The following STX18 variants were observed in gnomAD, a reference collection of about 807,000 sequenced individuals.
The protein encoded by STX18 is syntaxin 18.
Under a neutral mutation model 50.1 loss-of-function variants are expected in STX18, and 40 were observed. The ratio of observed to expected loss-of-function variants is 0.80; its 90% CI spans 0.62 to 1.04. STX18 has a LOEUF of 1.04. STX18 is among the 50% of genes least tolerant of loss of function. The pLI, the probability that STX18 is intolerant of heterozygous loss-of-function variation, is 0.00. For synonymous variants in STX18, 158 were observed against 151.8 expected, an observed-to-expected ratio of 1.04 and a Z score of -0.30; for missense variants, 410 against 415.8, an observed-to-expected ratio of 0.99 and a Z score of 0.12.
Position 4,420,622 on chromosome 4 carries a change from C to A in STX18, c.912+242G>T. On this transcript the variant is annotated intron_variant, in intron 10 of 10. Coordinates refer to ENST00000306200, the MANE Select transcript of STX18 (RefSeq NM_016930.4). This position sits in a 1 kb window ranked among gnomAD's most constrained non-coding sequence, Gnocchi z 4.3. Reference sequence around the variant, plus strand: ...GGCCTGACCCTGCCAGGAGTACCCCCACCCACCCTGGATTGCTCCTTTGGA... The same window carrying A: ...GGCCTGACCCTGCCAGGAGTACCCCAACCCACCCTGGATTGCTCCTTTGGA... 2 of 528,546 alleles carry A rather than the reference C, an allele frequency of 3.8e-6. No homozygotes were observed. The highest frequency in any genetic ancestry group is 5.1e-5 in the South Asian group (2 of 39,302). The allele number at this position is 528,546 out of a possible 1,614,324, so 32.7% of individuals were successfully genotyped here.
intron 9 of STX18, among the ~76,000 whole-genome samples, chr4:4,423,279 C>A (rs190676671): frequency 6.6e-6 from 1 of 152,364 alleles, no homozygotes; most frequent in African/African-American, 2.4e-5. Flanking sequence ...CATGTGCTAC[C>A]ACATGGGGTG....
chr4:4,495,224 C>A (rs1331284364), intron 1 of STX18, among the ~76,000 whole-genome samples: 1 of 152,140 alleles, frequency 6.6e-6, no homozygotes, highest in Non-Finnish European at 1.5e-5. Flanking sequence ...TGCAAAGGGC[C>A]TAGAAAAGTG....
At chr4:4,446,561 A>C (rs938692091) in intron 5 of STX18, among the ~76,000 whole-genome samples, 71 of 152,380 alleles carry the variant, frequency 4.7e-4, no homozygotes, top group African/African-American at 1.7e-3. Flanking sequence ...AAAGGTGATT[A>C]ACAATATTAG....
chr4:4,537,210 C>T (rs1042392153), intron 1 of STX18, among the ~76,000 whole-genome samples: 2 of 152,202 alleles, frequency 1.3e-5, no homozygotes, highest in African/African-American at 2.4e-5. Flanking sequence ...ACCCCAGAAC[C>T]TGTCATTATA....
At chr4:4,538,719 G>T (rs1731451323) in intron 1 of STX18, among the ~76,000 whole-genome samples, 2 of 151,998 alleles carry the variant, frequency 1.3e-5, no homozygotes, top group South Asian at 4.1e-4. Context: ...AATGGAAAAC[G>T]AGAGTCAGAC....
At chr4:4,532,445 AAAC>A (rs372094545) in intron 1 of STX18, among the ~76,000 whole-genome samples, 4,450 of 152,038 alleles carry the variant, frequency 0.029, 166 homozygotes, top group Admixed American at 0.1. Context: ...CTAACTTTGA[AAAC>A]AACAACAACA....
intron 1 of STX18, among the ~76,000 whole-genome samples, chr4:4,522,580 A>C (rs1179199693): frequency 1.3e-5 from 2 of 152,230 alleles, no homozygotes; most frequent in African/African-American, 4.8e-5. Context: ...CTAGAAACTG[A>C]CCGAAATGTG....
At chr4:4,538,899 A>G (rs571176514) in intron 1 of STX18, among the ~76,000 whole-genome samples, 6 of 152,342 alleles carry the variant, frequency 3.9e-5, no homozygotes, top group East Asian at 1.9e-4. Flanking sequence ...TTCGAATAAT[A>G]TAAGTTCCTC....
At chr4:4,427,221 C>A (rs1447511232) in intron 7 of STX18, among the ~76,000 whole-genome samples, 1 of 152,202 alleles carries the variant, frequency 6.6e-6, no homozygotes, top group Non-Finnish European at 1.5e-5. Context: ...TCCAGACCCA[C>A]CGGGCCAGAA....
At chr4:4,443,514 C>A (rs930447573) in intron 5 of STX18, among the ~76,000 whole-genome samples, 6 of 152,188 alleles carry the variant, frequency 3.9e-5, no homozygotes, top group Non-Finnish European at 8.8e-5. Context: ...TAGATCTGAA[C>A]AACAGAGGAA....
chr4:4,420,389 A>G lies in STX18; in HGVS notation c.913-260T>C. ...TCTCGGAATCACTCCCTTCTGTCCC[A>G]GGGTTAAGGGCCCCGAGCAGAGTGT... On this transcript the variant is annotated intron_variant, in intron 10 of 10. Transcript: ENST00000306200. The surrounding 1 kb of genome is among the most constrained non-coding windows in gnomAD (Gnocchi z 4.3). 2.1e-6 allele frequency: 1 copy of G among 486,300 alleles called. No homozygotes were observed. Among genetic ancestry groups the G allele is most frequent in the Non-Finnish European group, 3.7e-6 (1 of 267,700 alleles). 30.1% of individuals were successfully genotyped at this position (486,300 alleles called of 1,614,324 possible). A position where few individuals can be genotyped will look rare whatever the true frequency, so the allele number is the denominator to read the frequency against.
At chr4:4,507,136 C>A in intron 1 of STX18, 1 of 557,428 alleles carries the variant, frequency 1.8e-6, no homozygotes, top group Non-Finnish European at 3.5e-6. Flanking sequence ...CAGGTGAGTT[C>A]CAAAGAATGC....
At chr4:4,505,721 G>A (rs1382720706) in intron 1 of STX18, among the ~76,000 whole-genome samples, 3 of 152,244 alleles carry the variant, frequency 2.0e-5, no homozygotes, top group African/African-American at 7.2e-5. Flanking sequence ...CCTGGGAGGT[G>A]GAGGTTGCAG....
rs547418331 is a variant in STX18, at chr4:4,460,892, C to G, written c.237-1405G>C. ...CACCTCCAACACCAGATGAATGGCT[C>G]CCCTCTGGGGAGGAGCCAGAGTGGC... On this transcript the variant is annotated intron_variant, in intron 2 of 10. Coordinates refer to ENST00000306200, the MANE Select transcript of STX18 (RefSeq NM_016930.4). Among the ~76,000 whole-genome samples, 3 of 152,218 alleles carry G rather than the reference C, an allele frequency of 2.0e-5. No homozygotes were observed. In the South Asian group the frequency reaches 6.2e-4, roughly 32 times the overall value.
At chr4:4,534,177 G>T (rs1417436769) in intron 1 of STX18, among the ~76,000 whole-genome samples, 1 of 152,164 alleles carries the variant, frequency 6.6e-6, no homozygotes, top group Non-Finnish European at 1.5e-5. Context: ...CAAAGCTGAA[G>T]GACCCCATTG....
rs1560219144 is a variant in STX18, at chr4:4,542,006, AAGC to A, written c.-45_-43del. ...AGCCCCACACTAGGCCCGCCCACGT[AAGC>A]AGCCGGCGACCGCGGCGCGAACCCG... On this transcript the variant is annotated 5_prime_UTR_variant, in exon 1 of 11. Coordinates refer to ENST00000306200, the MANE Select transcript of STX18 (RefSeq NM_016930.4). The A allele has an allele frequency of 1.3e-6, 2 of 1,518,038 alleles. No homozygotes were observed. The highest frequency in any genetic ancestry group is 2.6e-5 in the East Asian group (1 of 38,408). The allele number at this position is 1,518,038 out of a possible 1,614,324, so 94.0% of individuals were successfully genotyped here. A position where few individuals can be genotyped will look rare whatever the true frequency, so the allele number is the denominator to read the frequency against.
At chr4:4,462,297 G>T (rs1469862395) in intron 2 of STX18, among the ~76,000 whole-genome samples, 2 of 152,148 alleles carry the variant, frequency 1.3e-5, no homozygotes, top group Non-Finnish European at 2.9e-5. Flanking sequence ...CATTCACCAG[G>T]AGACTTCTAT....
chr4:4,453,676 G>T (rs1726899885), intron 5 of STX18: 2 of 983,336 alleles, frequency 2.0e-6, no homozygotes, highest in Admixed American at 6.2e-5. Flanking sequence ...CAAAGGCTCT[G>T]GGTAGAAAGA....
Position 4,420,140 on chromosome 4 carries a change from A to C in STX18, c.913-11T>G. ...GTTGTTTTTAATGGCCTGGGCAGGG[A>C]CGGGAGCACAGGTGTTTTTATCACA... On this transcript the variant is annotated splice_polypyrimidine_tract_variant and intron_variant, in intron 10 of 10. Coordinates refer to ENST00000306200, the MANE Select transcript of STX18 (RefSeq NM_016930.4). The surrounding 1 kb of genome is among the most constrained non-coding windows in gnomAD (Gnocchi z 4.3). 6.2e-7 allele frequency: 1 copy of C among 1,602,268 alleles called. No homozygotes were observed. The highest frequency in any genetic ancestry group is 1.1e-5 in the South Asian group (1 of 89,072).
Sources: gnomAD v4.1 joint callset for allele counts (sites outside exome capture counted in the v4.1 genomes callset) on GRCh38, gnomAD v4.1.1 for gene constraint, Gnocchi (gnomAD v3.1) non-coding constraint, MANE v1.5 for transcripts, NCBI Gene and HGNC (gene_info 2026-07-23, HGNC 2026-07-21) for gene names.